ATP2C1: variants seen among roughly 807,000 people sequenced by gnomAD.
ATP2C1 encodes ATPase secretory pathway Ca2+ transporting 1, also known as calcium-transporting ATPase type 2C member 1.
A neutral mutation model predicts 120.5 loss-of-function variants in ATP2C1; 31 were observed. The observed-to-expected ratio is 0.26, with a 90% CI of 0.19 to 0.35. The LOEUF (loss-of-function observed/expected upper bound fraction) is 0.35, where lower values mean the gene tolerates loss of function less well. Ranked by LOEUF, ATP2C1 falls within the 10% of genes least tolerant of loss-of-function variation. The pLI is 1.00. For missense variants in ATP2C1, 731 were observed against 1,107.5 expected, an observed-to-expected ratio of 0.66 and a Z score of 4.83; for synonymous variants, 351 against 358.7, an observed-to-expected ratio of 0.98 and a Z score of 0.24.
chr3:130,884,930 C>CTTTTTT (rs35931105), intron 1 of ATP2C1, among the ~76,000 whole-genome samples: 66 of 120,818 alleles, frequency 5.5e-4, no homozygotes, highest in Non-Finnish European at 6.6e-4. Context: ...TCTTTTCTTT[C>CTTTTTT]TTTTTTTTTT....
chr3:130,919,128 G>T (rs1188269106), intron 2 of ATP2C1: 2 of 342,238 alleles, frequency 5.8e-6, no homozygotes, highest in Non-Finnish European at 1.1e-5. Context: ...TTTTGAGTTG[G>T]AGGCAGGAGC....
At chr3:130,853,327 C>T (rs868210569) in intron 1 of ATP2C1, among the ~76,000 whole-genome samples, 23 of 152,212 alleles carry the variant, frequency 1.5e-4, no homozygotes, top group African/African-American at 5.5e-4. Flanking sequence ...GAGAAAGTTT[C>T]CTGGGTGAGG....
intron 17 of ATP2C1, among the ~76,000 whole-genome samples, 195 bp from the exon 18 acceptor site, chr3:130,975,137 G>C (rs528772805): frequency 6.6e-6 from 1 of 152,256 alleles, no homozygotes; most frequent in East Asian, 1.9e-4. Context: ...TGGTGGGATA[G>C]ATGTTTTCTA....
At chr3:130,885,319 T>G (rs1486413138) in intron 1 of ATP2C1, among the ~76,000 whole-genome samples, 1 of 152,172 alleles carries the variant, frequency 6.6e-6, no homozygotes, top group Non-Finnish European at 1.5e-5. Context: ...GGTTGGACAG[T>G]TTAGTCCATT....
chr3:130,955,507 A>G (rs374799716), intron 10 of ATP2C1, among the ~76,000 whole-genome samples: 1 of 152,232 alleles, frequency 6.6e-6, no homozygotes, highest in Non-Finnish European at 1.5e-5. Context: ...ATTCTCGGCT[A>G]AAAGTATTAA....
rs576567189 is a variant in ATP2C1 at position 131,001,469 on chromosome 3, G to A, written c.*119G>A. On this transcript the variant is annotated 3_prime_UTR_variant, in exon 28 of 28. Transcript: ENST00000510168. ...TTTTAACTATTCATTGACTAAAAAT[G>A]AACATTAATGTTAAAGACTTAAGAC... The A allele has an allele frequency of 7.0e-6, 10 of 1,434,272 alleles. No homozygotes were observed. Among genetic ancestry groups the A allele is most frequent in the Non-Finnish European group, 9.1e-6 (10 of 1,094,660 alleles). The allele number at this position is 1,434,272 out of a possible 1,614,324, so 88.8% of individuals were successfully genotyped here. A position where few individuals can be genotyped will look rare whatever the true frequency, so the allele number is the denominator to read the frequency against.
chr3:130,884,338 T>C (rs1323872383), intron 1 of ATP2C1, among the ~76,000 whole-genome samples: 1 of 152,236 alleles, frequency 6.6e-6, no homozygotes, highest in Non-Finnish European at 1.5e-5. Flanking sequence ...GTTATTAATT[T>C]CTAGTTTTAT....
At chr3:130,873,620 C>T (rs1167656518) in intron 1 of ATP2C1, among the ~76,000 whole-genome samples, 1 of 152,018 alleles carries the variant, frequency 6.6e-6, no homozygotes. Context: ...TTTAAAAACT[C>T]AAATGTCATA....
intron 4 of ATP2C1, among the ~76,000 whole-genome samples, chr3:130,933,979 G>T (rs1248825952): frequency 1.3e-5 from 2 of 152,176 alleles, no homozygotes; most frequent in East Asian, 3.8e-4. Flanking sequence ...TAACATCAGA[G>T]TTTCAAGGAA....
In ATP2C1 at chr3:130,921,024, C is replaced by T. The variant is rs72983787; in HGVS notation, c.7-9392C>T. ...GTTGATTTTGTATCCTGCTACTTTA[C>T]TCAATTTGTTTATTCTAACAGTTTT... On this transcript the variant is annotated intron_variant, in intron 2 of 27. Transcript: ENST00000510168. 4.5e-3 allele frequency among the ~76,000 whole-genome samples: 678 copies of T among 150,578 alleles called. 3 individuals carry two copies. The highest frequency in any genetic ancestry group is 0.016 in the African/African-American group (646 of 41,104).
intron 1 of ATP2C1, among the ~76,000 whole-genome samples, chr3:130,851,093 G>A (rs1486333610): frequency 1.3e-5 from 2 of 152,204 alleles, no homozygotes; most frequent in Non-Finnish European, 2.9e-5. Flanking sequence ...GCAGGCTTGT[G>A]AGAATTTATT....
intron 2 of ATP2C1, among the ~76,000 whole-genome samples, chr3:130,916,063 C>T (rs2058673586): frequency 6.6e-6 from 1 of 152,044 alleles, no homozygotes; most frequent in Admixed American, 6.6e-5. Context: ...TTATAGTCTC[C>T]TATTAGGTAA....
chr3:131,008,946 T>C (rs935366698), intron 26 of ATP2C1, among the ~76,000 whole-genome samples: 1 of 152,182 alleles, frequency 6.6e-6, no homozygotes, highest in Non-Finnish European at 1.5e-5. Context: ...TTCTTGTTCT[T>C]ACAGTGGCTG....
At chr3:130,852,993 G>GT (rs11400902) in intron 1 of ATP2C1, among the ~76,000 whole-genome samples, 84,255 of 151,870 alleles carry the variant, frequency 0.55, 23,855 homozygotes, top group Non-Finnish European at 0.61. Flanking sequence ...CTCCTTGAGA[G>GT]ATTTCTAAAA....
chr3:130,964,793 G>A (rs548491114), intron 13 of ATP2C1, among the ~76,000 whole-genome samples, 155 bp from the exon 14 acceptor site: 1 of 151,972 alleles, frequency 6.6e-6, no homozygotes, highest in Non-Finnish European at 1.5e-5. Context: ...GCTGAAACAA[G>A]CATAATGAGA....
chr3:130,858,745 A>G (rs1297930525), intron 1 of ATP2C1, among the ~76,000 whole-genome samples: 1 of 152,194 alleles, frequency 6.6e-6, no homozygotes, highest in African/African-American at 2.4e-5. Context: ...AGGAAGATAC[A>G]TGACTGCTTT....
At chr3:130,852,371 G>C (rs144334243) in intron 1 of ATP2C1, among the ~76,000 whole-genome samples, 92 of 152,190 alleles carry the variant, frequency 6.0e-4, no homozygotes, top group African/African-American at 2.0e-3. Context: ...AGTTTTCAGA[G>C]ATGTGGCTAT....
intron 2 of ATP2C1, among the ~76,000 whole-genome samples, chr3:130,921,536 C>G (rs572914968): frequency 6.6e-6 from 1 of 152,230 alleles, no homozygotes; most frequent in East Asian, 1.9e-4. Context: ...TGTTCCTGAT[C>G]TTTCAGGAAA....
intron 1 of ATP2C1, among the ~76,000 whole-genome samples, chr3:130,886,443 C>G (rs1342086994): frequency 6.6e-6 from 1 of 152,156 alleles, no homozygotes; most frequent in Non-Finnish European, 1.5e-5. Context: ...ATCTTTTTCT[C>G]TACGTCCTCT....
Sources: gnomAD v4.1 joint callset for allele counts (sites outside exome capture counted in the v4.1 genomes callset) on GRCh38, gnomAD v4.1.1 for gene constraint, MANE v1.5 for transcripts, NCBI Gene and HGNC (gene_info 2026-07-23, HGNC 2026-07-21) for gene names.